The following PNLIPRP3 variants were observed in gnomAD, a reference collection of about 807,000 sequenced individuals.
The protein encoded by PNLIPRP3 is pancreatic lipase related protein 3.
PNLIPRP3 carries 58 observed loss-of-function variants against 52.8 expected under a neutral mutation model. The observed-to-expected ratio is 1.10, with a 90% CI of 0.89 to 1.37. The LOEUF (loss-of-function observed/expected upper bound fraction) is 1.37, where lower values mean the gene tolerates loss of function less well. Among genes scored for constraint, PNLIPRP3 ranks in the 40% most tolerant of loss-of-function variants. PNLIPRP3 has a pLI of 0.00. For missense variants in PNLIPRP3, 593 were observed against 561.6 expected (o/e 1.06, Z -0.57); for synonymous variants, 192 against 185.0 (o/e 1.04, Z -0.31).
intron 1 of PNLIPRP3, 98 bp from the exon 2 acceptor site, chr10:116,436,613 A>T: frequency 8.0e-7 from 1 of 1,252,938 alleles, no homozygotes; most frequent in Non-Finnish European, 1.1e-6. Context: ...ATAAGGGGTT[A>T]ATTTCCAAAA....
At chr10:116,429,501 G>T (rs907522447) in intron 1 of PNLIPRP3, among the ~76,000 whole-genome samples, 1 of 152,212 alleles carries the variant, frequency 6.6e-6, no homozygotes, top group Non-Finnish European at 1.5e-5. Flanking sequence ...GATTCGTTGT[G>T]TAACATCTTG....
intron 5 of PNLIPRP3, among the ~76,000 whole-genome samples, chr10:116,460,523 A>T (rs1022514448): frequency 3.9e-5 from 6 of 152,204 alleles, no homozygotes; most frequent in African/African-American, 1.2e-4. Flanking sequence ...TGAAAGTAGA[A>T]CTAAGTGAGC....
At chr10:116,432,068 C>T (rs1007341578) in intron 1 of PNLIPRP3, among the ~76,000 whole-genome samples, 13 of 152,042 alleles carry the variant, frequency 8.6e-5, no homozygotes, top group Non-Finnish European at 2.9e-5. Flanking sequence ...TTTTGAAAAA[C>T]GTATTCTTAT....
chr10:116,461,775 GT>G (rs1842608681), intron 7 of PNLIPRP3, among the ~76,000 whole-genome samples: 1 of 152,218 alleles, frequency 6.6e-6, no homozygotes, highest in Admixed American at 6.5e-5. Flanking sequence ...GAAGAAAATT[GT>G]TGACAGGATG....
intron 3 of PNLIPRP3, 50 bp from the exon 4 acceptor site, chr10:116,444,332 G>GAT (rs1845910715): frequency 6.8e-7 from 1 of 1,474,078 alleles, no homozygotes; most frequent in Non-Finnish European, 9.1e-7. Context: ...AGACACGTCG[G>GAT]TTTCCTTGAA....
intron 4 of PNLIPRP3, among the ~76,000 whole-genome samples, chr10:116,446,915 C>A (rs1463792143): frequency 6.6e-6 from 1 of 152,132 alleles, no homozygotes; most frequent in African/African-American, 2.4e-5. Context: ...AATGTTTCAG[C>A]TTTTCTGGGG....
At position 116,477,315 on chromosome 10, in the gene PNLIPRP3, T is replaced by C. The variant is rs1450020559; in HGVS notation, c.*162T>C. On this transcript the variant is annotated 3_prime_UTR_variant, in exon 12 of 12. Coordinates refer to ENST00000369230, the MANE Select transcript of PNLIPRP3 (RefSeq NM_001011709.3). ...GGGTTTGCTTTTTTTCTGTGTAGAA[T>C]GTTCATCTAACTGCACCTTAAAAAC... 1 of 494,122 alleles carries C rather than the reference T, an allele frequency of 2.0e-6. No homozygotes were observed. Among genetic ancestry groups the C allele is most frequent in the African/African-American group, 2.0e-5 (1 of 49,598 alleles). The allele number at this position is 494,122 out of a possible 1,614,324, so 30.6% of individuals were successfully genotyped here. A position where few individuals can be genotyped will look rare whatever the true frequency, so the allele number is the denominator to read the frequency against.
intron 1 of PNLIPRP3, among the ~76,000 whole-genome samples, chr10:116,434,488 A>G (rs1271180740): frequency 6.6e-6 from 1 of 152,184 alleles, no homozygotes; most frequent in African/African-American, 2.4e-5. Context: ...TAATCTTTCA[A>G]TCTTTTCTTA....
At chr10:116,439,265 T>C (rs967736791) in intron 2 of PNLIPRP3, among the ~76,000 whole-genome samples, 2 of 152,202 alleles carry the variant, frequency 1.3e-5, no homozygotes, top group Non-Finnish European at 2.9e-5. Context: ...TTCAGGGTGC[T>C]CCAGACACCC....
Position 116,473,128 on chromosome 10 carries a change from C to T in PNLIPRP3, c.1172+1249C>T, listed in dbSNP as rs942751480. The stretch of plus-strand genomic sequence containing the variant: ...TTCCACATCTCTGTTCTTTTGATAA[C>T]GGCCGAAGAAGCTGTTTGTAATGCT... On this transcript the variant is annotated intron_variant, in intron 10 of 11. Transcript: ENST00000369230. Among the ~76,000 whole-genome samples the T allele has an allele frequency of 2.0e-4, 31 of 152,192 alleles. 1 individual carries two copies. Among genetic ancestry groups the T allele is most frequent in the East Asian group, 1.9e-4 (1 of 5,188 alleles).
At chr10:116,476,549 C>G (rs1234000378) in intron 10 of PNLIPRP3, 103 bp from the exon 11 acceptor site, 1 of 858,976 alleles carries the variant, frequency 1.2e-6, no homozygotes, top group East Asian at 2.9e-5. Flanking sequence ...CAAATGCTAG[C>G]AAATACAAGT....
rs1015710553 is a variant in PNLIPRP3, at chr10:116,471,980, A to G, written c.1172+101A>G. 30 of 657,648 alleles carry G rather than the reference A, an allele frequency of 4.6e-5. No individual in the cohort carries two copies. The African/African-American group carries it at 5.5e-4, about 12-fold the overall frequency. The allele number at this position is 657,648 out of a possible 1,614,324, so 40.7% of individuals were successfully genotyped here. A position where few individuals can be genotyped will look rare whatever the true frequency, so the allele number is the denominator to read the frequency against. ...CTGTTTAGTCTTCTCTTTTCCTACA[A>G]TTCCACAGGCTACCATGGTATCTTT... On this transcript the variant is annotated intron_variant, in intron 10 of 11. Coordinates refer to ENST00000369230, the MANE Select transcript of PNLIPRP3 (RefSeq NM_001011709.3).
chr10:116,433,114 C>CAA (rs71010080), intron 1 of PNLIPRP3, among the ~76,000 whole-genome samples: 140 of 8,500 alleles, frequency 0.016, 59 homozygotes, highest in East Asian at 0.074. Flanking sequence ...AACTCCATCT[C>CAA]AAAAAAAAAA....
chr10:116,436,675 G>C (rs375790169), intron 1 of PNLIPRP3, 36 bp from the exon 2 acceptor site: 67 of 1,540,590 alleles, frequency 4.3e-5, no homozygotes, highest in Non-Finnish European at 5.4e-5. Flanking sequence ...TCTAAGCCTG[G>C]TTCCTCTATA....
Position 116,461,277 on chromosome 10 carries a change from T to C in PNLIPRP3, c.795T>C (p.Asn265=). 1.9e-6 allele frequency: 3 copies of C among 1,612,566 alleles called. No individual in the cohort carries two copies. Among genetic ancestry groups the C allele is most frequent in the Non-Finnish European group, 1.7e-6 (2 of 1,178,588 alleles). Residue 265 remains asparagine (N), a synonymous_variant, in exon 7 of 12, where the codon AAT becomes AAC. Coordinates refer to ENST00000369230, the MANE Select transcript of PNLIPRP3 (RefSeq NM_001011709.3). ...LITPLLKFNF[N]AYKKEMASFF... ...CACCTTTACTGAAATTTAACTTCAA[T>C]GCTTACAAAAAAGGTAAATACTTTC...
At chr10:116,460,017 C>T (rs1015252991) in intron 5 of PNLIPRP3, among the ~76,000 whole-genome samples, 23 of 152,280 alleles carry the variant, frequency 1.5e-4, no homozygotes, top group African/African-American at 5.3e-4. Context: ...CCACCCGCCT[C>T]GGCCTCCGAG....
chr10:116,452,692 G>A (rs1172361122), intron 4 of PNLIPRP3, among the ~76,000 whole-genome samples: 4 of 152,200 alleles, frequency 2.6e-5, no homozygotes, highest in African/African-American at 9.7e-5. Flanking sequence ...ACACAGCTCT[G>A]GAGGGTGCAA....
chr10:116,441,715 G>A (rs966087803), intron 2 of PNLIPRP3, among the ~76,000 whole-genome samples: 6 of 152,076 alleles, frequency 3.9e-5, no homozygotes, highest in Admixed American at 3.9e-4. Flanking sequence ...AACTTCAAAG[G>A]CCATGTGGAT....
At chr10:116,470,588 C>A (rs1249325721) in intron 9 of PNLIPRP3, among the ~76,000 whole-genome samples, 1 of 151,130 alleles carries the variant, frequency 6.6e-6, no homozygotes, top group African/African-American at 2.4e-5. Flanking sequence ...CGGCTCACTG[C>A]AAGCTCCACC....
Sources: allele counts gnomAD v4.1 joint callset (sites outside exome capture counted in the v4.1 genomes callset), GRCh38; gene constraint gnomAD v4.1.1; transcripts MANE v1.5; gene names NCBI Gene and HGNC (gene_info 2026-07-23, HGNC 2026-07-21).